The following ZMIZ1 variants were observed in gnomAD, a reference collection of about 807,000 sequenced individuals.
ZMIZ1 encodes the protein zinc finger MIZ domain-containing protein 1.
Under a neutral mutation model 113.9 loss-of-function variants are expected in ZMIZ1, and 17 were observed. The observed-to-expected ratio is 0.15, with a 90% CI of 0.10 to 0.22. The LOEUF is 0.22. Among genes scored for constraint, ZMIZ1 ranks in the 10% least tolerant of loss-of-function variants. The pLI is 1.00. For missense variants in ZMIZ1, 1,059 were observed against 1,477.8 expected, an observed-to-expected ratio of 0.72 and a Z score of 4.65; for synonymous variants, 607 against 603.1, an observed-to-expected ratio of 1.01 and a Z score of -0.09.
At chr10:79,195,412 C>G (rs1025106254) in intron 4 of ZMIZ1, among the ~76,000 whole-genome samples, 10 of 152,244 alleles carry the variant, frequency 6.6e-5, no homozygotes, top group South Asian at 2.1e-4. Context: ...TCTCACCCCC[C>G]ATTCAGGGGC....
rs555723621 is a variant in ZMIZ1, at chr10:79,089,278, A to T, written c.-337+20008A>T. On this transcript the variant is annotated intron_variant, in intron 1 of 24. Coordinates refer to ENST00000334512, the MANE Select transcript of ZMIZ1 (RefSeq NM_020338.4). ...TCCTTCTCCCCACCCAGATGGAGCC[A>T]AGTGGGCCCCACATCAGTGAAGGAA... 2.2e-4 allele frequency among the ~76,000 whole-genome samples: 33 copies of T among 152,350 alleles called. No homozygotes were observed. In the South Asian group the frequency reaches 6.2e-3, roughly 29 times the overall value.
chr10:79,213,525 C>T (rs1848602515), intron 6 of ZMIZ1, among the ~76,000 whole-genome samples: 2 of 152,218 alleles, frequency 1.3e-5, no homozygotes, highest in Non-Finnish European at 2.9e-5. Flanking sequence ...CCAGCACCCA[C>T]CCGGCTGGCC....
chr10:79,208,130 G>T (rs1213494253), intron 5 of ZMIZ1, among the ~76,000 whole-genome samples: 1 of 136,680 alleles, frequency 7.3e-6, no homozygotes, highest in Non-Finnish European at 1.6e-5. Flanking sequence ...GGTGGAGGTG[G>T]GGGTGGGGGG....
chr10:79,237,476 A>G (rs1189535386), intron 7 of ZMIZ1, among the ~76,000 whole-genome samples: 1 of 152,202 alleles, frequency 6.6e-6, no homozygotes, highest in African/African-American at 2.4e-5. Context: ...GCCCAGAGGA[A>G]GGTGTCAGTA....
At chr10:79,248,331 A>G (rs1022981776) in intron 7 of ZMIZ1, among the ~76,000 whole-genome samples, 6 of 152,180 alleles carry the variant, frequency 3.9e-5, no homozygotes, top group African/African-American at 1.4e-4. Context: ...CAGGAGAGGT[A>G]TGGCGCTTGA....
rs763736171 is a variant in ZMIZ1, at chr10:79,142,145, G to A, written c.-131+2368G>A. 3.2e-4 allele frequency among the ~76,000 whole-genome samples: 49 copies of A among 152,162 alleles called. 1 individual carries two copies. Among genetic ancestry groups the A allele is most frequent in the African/African-American group, 2.4e-5 (1 of 41,442 alleles). On this transcript the variant is annotated intron_variant, in intron 3 of 24. Coordinates refer to ENST00000334512, the MANE Select transcript of ZMIZ1 (RefSeq NM_020338.4). Reference sequence around the variant, plus strand: ...ATTTGCTCAGCCAGGGACAATGGCCGGGGAGGGCTGCGTGAAGCTGAGGAG... The same window carrying A: ...ATTTGCTCAGCCAGGGACAATGGCCAGGGAGGGCTGCGTGAAGCTGAGGAG...
At chr10:79,195,013 C>T (rs957798357) in intron 4 of ZMIZ1, among the ~76,000 whole-genome samples, 2 of 152,206 alleles carry the variant, frequency 1.3e-5, no homozygotes, top group African/African-American at 4.8e-5. Context: ...AAGCACAGAG[C>T]TGTGAAAGGG....
At chr10:79,161,950 C>T (rs1846128681) in intron 3 of ZMIZ1, 103 bp from the exon 4 acceptor site, 1 of 398,718 alleles carries the variant, frequency 2.5e-6, no homozygotes, top group South Asian at 1.3e-4. Context: ...CAGAGTCCCC[C>T]TCTGTCAGAT....
At position 79,312,710 on chromosome 10, in the gene ZMIZ1, T is replaced by C; in HGVS notation, c.3165T>C (p.Asn1055=). The C allele has an allele frequency of 6.2e-7, 1 of 1,614,122 alleles. No individual in the cohort carries two copies. The highest frequency in any genetic ancestry group is 8.5e-7 in the Non-Finnish European group (1 of 1,179,986). Residue 1055 remains asparagine (N), a synonymous_variant, in exon 25 of 25, where the codon AAT becomes AAC. Transcript: ENST00000334512. Reference sequence around the variant, plus strand: ...TGGACCCCCCCGACCTGCCGAGCAATAGTAACGATGACCTCCTGTCTCTAT... The same window carrying C: ...TGGACCCCCCCGACCTGCCGAGCAACAGTAACGATGACCTCCTGTCTCTAT... ...SYLDPPDLPS[N]SNDDLLSLFE...
Position 79,292,309 on chromosome 10 carries a change from G to A in ZMIZ1, c.910G>A (p.Ala304Thr). The A allele has an allele frequency of 6.2e-7, 1 of 1,613,488 alleles. No individual in the cohort carries two copies. The highest frequency in any genetic ancestry group is 8.5e-7 in the Non-Finnish European group (1 of 1,179,754). Residue 304 changes from alanine (A) to threonine (T), a missense_variant, in exon 11 of 25, where the codon GCA becomes ACA. By Grantham distance (58) the Ala-to-Thr change is moderately conservative. Coordinates refer to ENST00000334512, the MANE Select transcript of ZMIZ1 (RefSeq NM_020338.4). The part of the protein sequence containing the change: ...TATATATATV[A>T]ALQETQNKDI... ...TACAGCCACAGCCACGGCCACTGTGGCAGCCCTGCAGGAGACACAGAACAA... is the reference window on the plus strand; with the variant it reads ...TACAGCCACAGCCACGGCCACTGTGACAGCCCTGCAGGAGACACAGAACAA...
chr10:79,214,962 G>T (rs145151049), intron 6 of ZMIZ1, among the ~76,000 whole-genome samples: 1 of 152,140 alleles, frequency 6.6e-6, no homozygotes, highest in South Asian at 2.1e-4. Flanking sequence ...CCCCTGGAGC[G>T]CCCCGTCCCA....
intron 6 of ZMIZ1, among the ~76,000 whole-genome samples, chr10:79,210,812 G>A (rs1382945326): frequency 6.6e-6 from 1 of 152,178 alleles, no homozygotes; most frequent in African/African-American, 2.4e-5. Context: ...ATTTGTATGG[G>A]GGCAGGAGCT....
At chr10:79,088,835 A>G (rs1351021380) in intron 1 of ZMIZ1, among the ~76,000 whole-genome samples, 2 of 152,170 alleles carry the variant, frequency 1.3e-5, no homozygotes, top group Non-Finnish European at 1.5e-5. Flanking sequence ...GGCAAAGCTC[A>G]CATCCTTGGG....
chr10:79,262,051 G>C (rs1179013612), intron 7 of ZMIZ1, among the ~76,000 whole-genome samples: 2 of 152,230 alleles, frequency 1.3e-5, no homozygotes, highest in African/African-American at 4.8e-5. Context: ...GCGAACGTTT[G>C]CCAAGCACAT....
chr10:79,079,916 A>G (rs1047346457), intron 1 of ZMIZ1, among the ~76,000 whole-genome samples: 16 of 152,086 alleles, frequency 1.1e-4, no homozygotes, highest in Non-Finnish European at 1.9e-4. Context: ...GCCCAGGTTC[A>G]TGGTTCCTCT....
intron 23 of ZMIZ1, among the ~76,000 whole-genome samples, chr10:79,310,089 T>C (rs915272164): frequency 2.0e-5 from 3 of 152,142 alleles, no homozygotes; most frequent in Admixed American, 6.5e-5. Flanking sequence ...CCTCTAGTTA[T>C]CTGTTAGAGA....
intron 5 of ZMIZ1, among the ~76,000 whole-genome samples, chr10:79,207,300 G>C (rs762691535): frequency 6.6e-6 from 1 of 152,242 alleles, no homozygotes; most frequent in Non-Finnish European, 1.5e-5. Context: ...CTCCTGTGCT[G>C]TGGACACCCT....
chr10:79,189,721 T>C (rs988840443), intron 4 of ZMIZ1, among the ~76,000 whole-genome samples: 5 of 152,278 alleles, frequency 3.3e-5, no homozygotes, highest in East Asian at 3.9e-4. Context: ...AACTGTAGAG[T>C]GCTGTGCACA....
At chr10:79,233,076 C>T (rs1329824219) in intron 7 of ZMIZ1, among the ~76,000 whole-genome samples, 1 of 152,188 alleles carries the variant, frequency 6.6e-6, no homozygotes, top group African/African-American at 2.4e-5. Context: ...GTAATTAGGC[C>T]AAATTCAATT....
Sources: allele counts gnomAD v4.1 joint callset (sites outside exome capture counted in the v4.1 genomes callset), GRCh38; gene constraint gnomAD v4.1.1; transcripts MANE v1.5; gene names NCBI Gene and HGNC (gene_info 2026-07-23, HGNC 2026-07-21).